SATB1: variants seen among roughly 807,000 people sequenced by gnomAD.
The protein encoded by SATB1 is SATB homeobox 1, also known as DNA-binding protein SATB1.
A neutral mutation model predicts 86.9 loss-of-function variants in SATB1; 11 were observed. That is an observed-to-expected ratio of 0.13 (90% CI 0.08 to 0.21). SATB1 has a LOEUF of 0.21. SATB1 is among the 10% of genes least tolerant of loss of function. SATB1 has a pLI of 1.00. For missense variants in SATB1, 551 were observed against 937.6 expected, an observed-to-expected ratio of 0.59 and a Z score of 5.39; for synonymous variants, 357 against 357.2, an observed-to-expected ratio of 1.00 and a Z score of 0.01.
chr3:18,386,648 C>A lies in SATB1; in HGVS notation c.1207-37G>T. 1 of 1,560,100 alleles carries A rather than the reference C, an allele frequency of 6.4e-7. No homozygotes were observed. The highest frequency in any genetic ancestry group is 8.8e-7 in the Non-Finnish European group (1 of 1,131,860). ...GAAAGGCACAGGGTGAGCCTGCTGC[C>A]TTGCTTTGCCTGGCCAGCAGTGATC... On this transcript the variant is annotated intron_variant, in intron 7 of 10. Coordinates refer to ENST00000338745, the MANE Select transcript of SATB1 (RefSeq NM_002971.6). This position sits in a 1 kb window ranked among gnomAD's most constrained non-coding sequence, Gnocchi z 4.5.
chr3:18,398,718 T>G (rs1466847936), intron 5 of SATB1, among the ~76,000 whole-genome samples: 3 of 152,190 alleles, frequency 2.0e-5, no homozygotes, highest in Non-Finnish European at 4.4e-5. Context: ...TAAGAGGCAC[T>G]GTGATATCTT....
intron 1 of SATB1, among the ~76,000 whole-genome samples, chr3:18,421,585 C>T (rs1369939531): frequency 1.3e-5 from 2 of 152,072 alleles, no homozygotes; most frequent in Non-Finnish European, 2.9e-5. Flanking sequence ...AAGTTTTCTA[C>T]TATCAAAGTT....
intron 6 of SATB1, among the ~76,000 whole-genome samples, chr3:18,395,932 T>C (rs953033611): frequency 7.2e-5 from 11 of 152,244 alleles, no homozygotes; most frequent in African/African-American, 2.7e-4. Flanking sequence ...TTCCAAATTG[T>C]ACACAGACTT....
chr3:18,417,323 A>C, intron 2 of SATB1: 1 of 571,410 alleles, frequency 1.8e-6, no homozygotes, highest in East Asian at 3.0e-5. Context: ...CTGTGCTCTA[A>C]ATTAACAGTG....
rs1394181317 is a variant in SATB1, at chr3:18,349,165, TTA to T, written c.*3_*4del. The T allele has an allele frequency of 6.2e-7, 1 of 1,611,908 alleles. No homozygotes were observed. The highest frequency in any genetic ancestry group is 8.5e-7 in the Non-Finnish European group (1 of 1,178,822). On this transcript the variant is annotated 3_prime_UTR_variant, in exon 11 of 11. Coordinates refer to ENST00000338745, the MANE Select transcript of SATB1 (RefSeq NM_002971.6). The surrounding 1 kb of genome is among the most constrained non-coding windows in gnomAD (Gnocchi z 5.5). The stretch of plus-strand genomic sequence containing the variant: ...GCACTGTTGAACGAAACAAATACTT[TTA>T]TCTCAGTCTTTCAAATCAGTATTAA...
In SATB1 at chr3:18,345,608, C is replaced by T. The variant is rs914490358; in HGVS notation, c.*3562G>A. ...AAGAAACATTGAATTCATAAGCCCT[C>T]TTAAAAAGTCAAAAATATGCATAAA... On this transcript the variant is annotated 3_prime_UTR_variant, in exon 11 of 11. Coordinates refer to ENST00000338745, the MANE Select transcript of SATB1 (RefSeq NM_002971.6). 1 of 151,998 alleles carries T rather than the reference C, an allele frequency of 6.6e-6. No individual in the cohort carries two copies. The highest frequency in any genetic ancestry group is 2.1e-4 in the South Asian group (1 of 4,834). The allele number at this position is 151,998 out of a possible 1,614,324, so 9.4% of individuals were successfully genotyped here.
intron 9 of SATB1, among the ~76,000 whole-genome samples, chr3:18,372,788 TATC>T (rs1443865949): frequency 6.6e-6 from 1 of 152,208 alleles, no homozygotes; most frequent in Admixed American, 6.5e-5. Flanking sequence ...TATAAAAATA[TATC>T]AACGTTTTAG....
chr3:18,391,337 C>G (rs1575129877), intron 7 of SATB1, among the ~76,000 whole-genome samples: 2 of 151,930 alleles, frequency 1.3e-5, no homozygotes, highest in African/African-American at 4.8e-5. Context: ...TTCATCTGAC[C>G]CTATCATGTA....
At chr3:18,445,084 T>C (rs1699352890) in intron 1 of SATB1, 2 of 437,196 alleles carry the variant, frequency 4.6e-6, no homozygotes, top group Non-Finnish European at 6.0e-6. Flanking sequence ...ACGTGGCGCT[T>C]CGGACCGGGC....
chr3:18,360,966 G>A (rs548679715), intron 9 of SATB1, among the ~76,000 whole-genome samples: 2 of 152,230 alleles, frequency 1.3e-5, no homozygotes, highest in South Asian at 2.1e-4. Flanking sequence ...CATTGATGAA[G>A]AGAAATACTG....
At chr3:18,391,529 T>G (rs1196627518) in intron 7 of SATB1, among the ~76,000 whole-genome samples, 1 of 59,968 alleles carries the variant, frequency 1.7e-5, no homozygotes, top group African/African-American at 7.1e-5. Context: ...CCCTCCCCCC[T>G]CCCCCCACCC....
chr3:18,398,579 C>T (rs1040554848), intron 5 of SATB1, among the ~76,000 whole-genome samples: 3 of 152,122 alleles, frequency 2.0e-5, no homozygotes, highest in African/African-American at 7.2e-5. Flanking sequence ...CTCCTGACAT[C>T]CACTATCAGT....
chr3:18,363,116 T>C (rs1253172578), intron 9 of SATB1, among the ~76,000 whole-genome samples: 1 of 152,072 alleles, frequency 6.6e-6, no homozygotes, highest in African/African-American at 2.4e-5. Context: ...AATTAAAAAT[T>C]TAAATATTCC....
intron 8 of SATB1, among the ~76,000 whole-genome samples, chr3:18,385,830 C>T (rs1051030994): frequency 6.6e-5 from 10 of 152,008 alleles, no homozygotes; most frequent in Admixed American, 2.6e-4. Context: ...CCTAAAAAGT[C>T]CAAAAATTTT....
intron 9 of SATB1, among the ~76,000 whole-genome samples, chr3:18,358,214 C>A (rs552047342): frequency 6.6e-6 from 1 of 152,004 alleles, no homozygotes; most frequent in East Asian, 1.9e-4. Context: ...CCATTCAAAT[C>A]ATCATATAAT....
upstream of SATB1, among the ~76,000 whole-genome samples, chr3:18,429,322 G>T (rs1291252050): frequency 2.0e-5 from 3 of 152,232 alleles, no homozygotes; most frequent in Non-Finnish European, 4.4e-5. This position sits in a 1 kb window ranked among gnomAD's most constrained non-coding sequence, Gnocchi z 4.1. Context: ...AGCTGGGGCT[G>T]CAGCCCAAAC....
At chr3:18,407,776 C>T (rs1207934899) in intron 5 of SATB1, among the ~76,000 whole-genome samples, 1 of 151,906 alleles carries the variant, frequency 6.6e-6, no homozygotes, top group Non-Finnish European at 1.5e-5. Context: ...GAAGAAATGC[C>T]ATTACTCTAA....
chr3:18,417,143 G>A, intron 2 of SATB1, 65 bp from the exon 3 acceptor site: 1 of 1,515,698 alleles, frequency 6.6e-7, no homozygotes, highest in Non-Finnish European at 9.0e-7. Flanking sequence ...GCTTGGGGGT[G>A]GCGGGAGGAA....
chr3:18,375,865 G>A (rs1159747927), intron 9 of SATB1, among the ~76,000 whole-genome samples: 1 of 152,166 alleles, frequency 6.6e-6, no homozygotes, highest in Non-Finnish European at 1.5e-5. Flanking sequence ...TAAATTAGAA[G>A]TTGAGAATAA....
Sources: allele counts gnomAD v4.1 joint callset (sites outside exome capture counted in the v4.1 genomes callset), GRCh38; gene constraint gnomAD v4.1.1; non-coding constraint Gnocchi (gnomAD v3.1); transcripts MANE v1.5; gene names NCBI Gene and HGNC (gene_info 2026-07-23, HGNC 2026-07-21).